The following ADGRD2 variants were observed in gnomAD, a reference collection of about 807,000 sequenced individuals.
ADGRD2 encodes adhesion G protein-coupled receptor D2, also known as G protein-coupled receptor PGR24.
Under a neutral mutation model 44.4 loss-of-function variants are expected in ADGRD2, and 71 were observed. The observed-to-expected ratio is 1.60, with a 90% CI of 1.32 to 1.95. The LOEUF is 1.95. ADGRD2 is among the 30% of genes most tolerant of loss of function. The probability of loss-of-function intolerance (pLI) is 0.00; values close to 1 mark genes in which losing one functional copy is unlikely to be tolerated. For synonymous variants in ADGRD2, 481 were observed against 224.8 expected, an observed-to-expected ratio of 2.14 and a Z score of -10.19; for missense variants, 1,039 against 512.4, an observed-to-expected ratio of 2.03 and a Z score of -9.92.
chr9:124,455,195 G>T, intron 6 of ADGRD2, 68 bp downstream of exon 9: 1 of 614,228 alleles, frequency 1.6e-6, no homozygotes, highest in African/African-American at 1.8e-5. Flanking sequence ...CCAGCTGGTT[G>T]TGTAGCTGTG....
chr9:124,461,115 T>C (rs1268531168), intron 10 of ADGRD2, among the ~76,000 whole-genome samples: 2 of 152,248 alleles, frequency 1.3e-5, no homozygotes, highest in Middle Eastern at 3.2e-3. Context: ...CTTAAATGCA[T>C]CTTCAAATCT....
Position 124,470,621 on chromosome 9 carries a change from C to T in ADGRD2, c.2758+7C>T. On this transcript the variant is annotated splice_region_variant and intron_variant, in intron 17 of 21. Coordinates refer to ENST00000334810, the Ensembl canonical transcript of ADGRD2. The stretch of plus-strand genomic sequence containing the variant: ...GGGCCTCAACTCCATCCAGGTACCT[C>T]CAGCCCCAACCTTCTGGGACTAGGC... 2.8e-6 allele frequency: 2 copies of T among 701,956 alleles called. No individual in the cohort carries two copies. The highest frequency in any genetic ancestry group is 2.6e-6 in the Non-Finnish European group (1 of 381,592). 43.5% of individuals were successfully genotyped at this position (701,956 alleles called of 1,614,324 possible).
chr9:124,465,980 C>A (rs1831815463), intron 10 of ADGRD2: 1 of 274,286 alleles, frequency 3.6e-6, no homozygotes. Context: ...TGGCTCCCTG[C>A]CCTGGATCTT....
In ADGRD2 at chr9:124,453,196, C is replaced by T. The variant is rs1184523511; in HGVS notation, c.445C>T (p.Pro149Ser). The T allele has an allele frequency of 4.4e-6, 3 of 675,118 alleles. No homozygotes were observed. In the Admixed American group the frequency reaches 6.5e-5, roughly 15 times the overall value. The allele number at this position is 675,118 out of a possible 1,614,324, so 41.8% of individuals were successfully genotyped here. The change falls in exon 3 of 22, where the codon CCC becomes TCC. Residue 149 changes from proline (P) to serine (S), a missense_variant. Physicochemically the swap from Pro to Ser is moderately conservative, Grantham distance 74 (BLOSUM62 -1). Coordinates refer to ENST00000334810, the Ensembl canonical transcript of ADGRD2. ...CGCAGCGCTCTTCTCCGTTGCCGCGCCCGCGCTGCCCAACGCGCTGCAGCT... is the reference window on the plus strand; with the variant it reads ...CGCAGCGCTCTTCTCCGTTGCCGCGTCCGCGCTGCCCAACGCGCTGCAGCT...
At chr9:124,458,655 T>C in exon 10 of ADGRD2, 2 of 718,820 alleles carry the variant, frequency 2.8e-6, no homozygotes. Context: ...TCATCTCCTC[T>C]GAAGTGTGGG....
Position 124,454,275 on chromosome 9 carries a change from C to T in ADGRD2, c.1022+178C>T, listed in dbSNP as rs60130452. Among the ~76,000 whole-genome samples the T allele has an allele frequency of 6.6e-6, 1 of 152,208 alleles. No homozygotes were observed. Among genetic ancestry groups the T allele is most frequent in the Non-Finnish European group, 1.5e-5 (1 of 68,036 alleles). On this transcript the variant is annotated intron_variant, in intron 4 of 21. Transcript: ENST00000334810. The surrounding 1 kb of genome is among the most constrained non-coding windows in gnomAD (Gnocchi z 4.5). ...GGTCCAGACGGACCTAAGGGTGAAT[C>T]GAAATTGTGTGACCTTGGGCAAGCT...
intron 20 of ADGRD2, 113 bp from the exon 24 acceptor site, chr9:124,476,566 G>A: frequency 1.6e-6 from 1 of 641,782 alleles, no homozygotes; most frequent in African/African-American, 1.8e-5. Context: ...AGGGCCCAGG[G>A]AGGGGGAGCT....
intron 6 of ADGRD2, 98 bp downstream of exon 9, chr9:124,455,225 A>G (rs1242528949): frequency 1.8e-5 from 11 of 594,806 alleles, no homozygotes; most frequent in Non-Finnish European, 3.0e-5. Flanking sequence ...GCATCTAGCT[A>G]TGGGCTCCAT....
At position 124,468,821 on chromosome 9, in the gene ADGRD2, C is replaced by T. The variant is rs538607845; in HGVS notation, c.2387+149C>T. The T allele has an allele frequency of 1.2e-3, 758 of 607,448 alleles. 2 individuals are homozygous for T. The highest frequency in any genetic ancestry group is 2.0e-3 in the Non-Finnish European group (700 of 341,898). The allele number at this position is 607,448 out of a possible 1,614,324, so 37.6% of individuals were successfully genotyped here. On this transcript the variant is annotated intron_variant, in intron 14 of 21. Transcript: ENST00000334810. ...AGCGTCACCCAGAACCCAGCACCAC[C>T]CAGCCAGTCCCATCTCTGACATGAC...
At chr9:124,470,399 C>A (rs146448565) in intron 16 of ADGRD2, 95 bp from the exon 20 acceptor site, 2 of 628,174 alleles carry the variant, frequency 3.2e-6, no homozygotes, top group African/African-American at 1.8e-5. Context: ...GCTCCCACCC[C>A]GCTCCAGGCA....
chr9:124,470,602 C>T (rs1254626660), exon 17 of ADGRD2: 1 of 706,474 alleles, frequency 1.4e-6, no homozygotes. Flanking sequence ...CCGTGGGCCT[C>T]AACTCCATCC....
At chr9:124,465,104 CT>C in intron 10 of ADGRD2, 1 of 153,068 alleles carries the variant, frequency 6.5e-6, no homozygotes, top group Non-Finnish European at 1.5e-5. Context: ...TCTGCCTCCC[CT>C]CTGCCCCTTC....
At chr9:124,465,195 C>T (rs1831795514) in intron 10 of ADGRD2, 1 of 153,208 alleles carries the variant, frequency 6.5e-6, no homozygotes, top group Non-Finnish European at 1.5e-5. Flanking sequence ...TGGTCTCTCT[C>T]CTTTCCCATC....
intron 7 of ADGRD2, among the ~76,000 whole-genome samples, chr9:124,456,946 G>A (rs1207110685): frequency 3.3e-5 from 5 of 152,264 alleles, no homozygotes; most frequent in Middle Eastern, 3.4e-3. Context: ...CTCCCTCTAG[G>A]AAGCCTTCCT....
exon 10 of ADGRD2, chr9:124,458,630 A>G (rs1196470662): frequency 1.4e-6 from 1 of 718,854 alleles, no homozygotes; most frequent in Admixed American, 2.0e-5. Flanking sequence ...CTAAGCACCC[A>G]GGTGGGGTCA....
At chr9:124,468,170 G>C (rs1039522079) in exon 13 of ADGRD2, 9 of 718,394 alleles carry the variant, frequency 1.3e-5, no homozygotes, top group Non-Finnish European at 1.8e-5. Context: ...CATGACCAGC[G>C]AGTGGGCCAA....
intron 13 of ADGRD2, 140 bp downstream of exon 16, chr9:124,468,330 G>C (rs1293029783): frequency 7.4e-6 from 5 of 677,698 alleles, no homozygotes; most frequent in Non-Finnish European, 1.1e-5. Context: ...GGGAGGAGCA[G>C]GGCCCCGGGA....
intron 16 of ADGRD2, among the ~76,000 whole-genome samples, chr9:124,469,981 G>C (rs79391798): frequency 0.048 from 7,255 of 152,220 alleles, 550 homozygotes; most frequent in African/African-American, 0.16. Flanking sequence ...CCAAAGACCC[G>C]CATCGCCCTC....
At chr9:124,455,100 G>C (rs1329227705) in exon 6 of ADGRD2, 1 of 711,488 alleles carries the variant, frequency 1.4e-6, no homozygotes, top group Admixed American at 2.0e-5. Context: ...AGGAGCAGGT[G>C]GCTGACACAT....
Sources: gnomAD v4.1 joint callset for allele counts (sites outside exome capture counted in the v4.1 genomes callset) on GRCh38, gnomAD v4.1.1 for gene constraint, Gnocchi (gnomAD v3.1) non-coding constraint, MANE v1.5 for transcripts, NCBI Gene and HGNC (gene_info 2026-07-23, HGNC 2026-07-21) for gene names.